Variants in VRK2 observed in about 807,000 individuals in gnomAD.
VRK2 encodes serine/threonine-protein kinase VRK2.
Under a neutral mutation model 57.6 loss-of-function variants are expected in VRK2, and 60 were observed. The observed-to-expected ratio is 1.04, with a 90% CI of 0.85 to 1.29. The LOEUF is 1.29. Ranked by LOEUF, VRK2 falls within the 50% of genes most tolerant of loss-of-function variation. The probability of loss-of-function intolerance (pLI) is 0.00; values close to 1 mark genes in which losing one functional copy is unlikely to be tolerated. For synonymous variants in VRK2, 231 were observed against 199.2 expected, an observed-to-expected ratio of 1.16 and a Z score of -1.35; for missense variants, 705 against 588.1, an observed-to-expected ratio of 1.20 and a Z score of -2.06.
intron 1 of VRK2, among the ~76,000 whole-genome samples, chr2:57,933,438 G>C (rs983133130): frequency 6.8e-6 from 1 of 146,744 alleles, no homozygotes; most frequent in Non-Finnish European, 1.5e-5. Flanking sequence ...TCAGCCTCCC[G>C]AGTAGCTGGG....
At chr2:58,149,899 T>C (rs1294169092) in intron 12 of VRK2, among the ~76,000 whole-genome samples, 3 of 151,548 alleles carry the variant, frequency 2.0e-5, no homozygotes, top group Non-Finnish European at 4.4e-5. Flanking sequence ...TTCTGTTTGC[T>C]GAATTCCAAC....
At chr2:57,917,918 G>T (rs1670210844) in intron 1 of VRK2, among the ~76,000 whole-genome samples, 1 of 151,996 alleles carries the variant, frequency 6.6e-6, no homozygotes, top group East Asian at 1.9e-4. Context: ...GTTTGCAGCT[G>T]CCCTGTATAT....
chr2:57,965,382 G>A (rs1671887087), intron 1 of VRK2, among the ~76,000 whole-genome samples: 3 of 152,198 alleles, frequency 2.0e-5, no homozygotes, highest in Admixed American at 2.0e-4. Context: ...GGCAGTAGAA[G>A]TGTAGAATGG....
At chr2:58,136,949 ATAT>A (rs1680220503) in intron 10 of VRK2, among the ~76,000 whole-genome samples, 1 of 134,050 alleles carries the variant, frequency 7.5e-6, no homozygotes, top group Non-Finnish European at 1.5e-5. Flanking sequence ...ATTATATATC[ATAT>A]ATGTGTATAT....
At chr2:58,128,472 C>T (rs1678688659) in intron 8 of VRK2, among the ~76,000 whole-genome samples, 2 of 152,058 alleles carry the variant, frequency 1.3e-5, no homozygotes, top group African/African-American at 4.8e-5. Context: ...GCTGGGATTA[C>T]AGGTGTGTGC....
chr2:57,914,983 T>C (rs1670101821), intron 1 of VRK2, among the ~76,000 whole-genome samples: 1 of 152,148 alleles, frequency 6.6e-6, no homozygotes. Flanking sequence ...TTGATTATTT[T>C]GATTTCAAGA....
chr2:57,989,619 G>C (rs1026974917), intron 1 of VRK2, among the ~76,000 whole-genome samples: 15 of 152,102 alleles, frequency 9.9e-5, no homozygotes, highest in African/African-American at 3.6e-4. Flanking sequence ...AATCAATAAA[G>C]TGCCACTGAT....
At chr2:58,053,211 A>G (rs1022501108) in intron 2 of VRK2, among the ~76,000 whole-genome samples, 1 of 152,250 alleles carries the variant, frequency 6.6e-6, no homozygotes, top group Non-Finnish European at 1.5e-5. Flanking sequence ...TCATGACATC[A>G]TCTAAAAGAA....
intron 3 of VRK2, among the ~76,000 whole-genome samples, chr2:58,037,354 T>C (rs1674309996): frequency 6.6e-6 from 1 of 152,070 alleles, no homozygotes; most frequent in Non-Finnish European, 1.5e-5. Context: ...TATATAATTT[T>C]AGTTGAGACA....
At chr2:57,953,155 A>T (rs1031064695) in intron 1 of VRK2, among the ~76,000 whole-genome samples, 2 of 152,228 alleles carry the variant, frequency 1.3e-5, no homozygotes, top group Non-Finnish European at 2.9e-5. Context: ...CCAGAAACTA[A>T]TAGTACTACA....
intron 7 of VRK2, among the ~76,000 whole-genome samples, chr2:58,093,817 A>C (rs1476311138): frequency 6.6e-6 from 1 of 152,170 alleles, no homozygotes; most frequent in Non-Finnish European, 1.5e-5. Flanking sequence ...TTAAGTCTTT[A>C]ATCCATCTTG....
At chr2:58,114,011 G>A (rs1573183033) in intron 7 of VRK2, among the ~76,000 whole-genome samples, 1 of 152,200 alleles carries the variant, frequency 6.6e-6, no homozygotes, top group East Asian at 1.9e-4. Context: ...GGAACCTAGA[G>A]TGGGAGAGAT....
intron 12 of VRK2, among the ~76,000 whole-genome samples, chr2:58,158,159 G>A (rs1684276100): frequency 7.2e-6 from 1 of 138,804 alleles, no homozygotes; most frequent in Non-Finnish European, 1.6e-5. Flanking sequence ...TGAGCTATAT[G>A]TAAATGCTGC....
At chr2:58,047,817 AAAG>A (rs1287901955) in intron 1 of VRK2, among the ~76,000 whole-genome samples, 1 of 152,244 alleles carries the variant, frequency 6.6e-6, no homozygotes, top group East Asian at 1.9e-4. Context: ...GCTAAGTAAA[AAAG>A]CAGTTAAGTG....
At chr2:58,038,794 A>G (rs554215453) in intron 3 of VRK2, among the ~76,000 whole-genome samples, 1 of 152,224 alleles carries the variant, frequency 6.6e-6, no homozygotes, top group Non-Finnish European at 1.5e-5. Flanking sequence ...AAAGATACAT[A>G]CACCTTTTTT....
At position 58,088,406 on chromosome 2, in the gene VRK2, C is replaced by A. The variant is rs750762302; in HGVS notation, c.410C>A (p.Thr137Asn). Residue 137 changes from threonine (T) to asparagine (N), a missense_variant, in exon 6 of 13, where the codon ACC becomes AAC. By Grantham distance (65) the Thr-to-Asn change is moderately conservative (BLOSUM62 0). Coordinates refer to ENST00000340157, the MANE Select transcript of VRK2 (RefSeq NM_006296.7). ...CAGAAGATCTCAGGCCAGAATGGTA[C>A]CTTTAAAAAGTCAACTGTCCTGCAA... ...DLQKISGQNG[T>N]FKKSTVLQLG... The A allele has an allele frequency of 1.2e-6, 2 of 1,613,312 alleles. No individual in the cohort carries two copies. The highest frequency in any genetic ancestry group is 2.2e-5 in the South Asian group (2 of 90,990).
At chr2:57,960,657 C>T (rs1671730157) in intron 1 of VRK2, among the ~76,000 whole-genome samples, 1 of 152,196 alleles carries the variant, frequency 6.6e-6, no homozygotes, top group African/African-American at 2.4e-5. Context: ...CACACACATA[C>T]TGGGTGGATA....
chr2:58,096,605 C>T (rs1294581826), intron 7 of VRK2, among the ~76,000 whole-genome samples: 1 of 151,760 alleles, frequency 6.6e-6, no homozygotes, highest in Non-Finnish European at 1.5e-5. Context: ...TGCTTTCTCC[C>T]TTTTTCTATC....
chr2:57,986,818 C>T (rs974100945), intron 1 of VRK2, among the ~76,000 whole-genome samples: 2 of 152,028 alleles, frequency 1.3e-5, no homozygotes, highest in South Asian at 2.1e-4. Context: ...AGGCTGGTCT[C>T]GAACTCCTGA....
Sources: gnomAD v4.1 joint callset for allele counts (sites outside exome capture counted in the v4.1 genomes callset) on GRCh38, gnomAD v4.1.1 for gene constraint, MANE v1.5 for transcripts, NCBI Gene and HGNC (gene_info 2026-07-23, HGNC 2026-07-21) for gene names.